Variants in CALN1 observed in about 807,000 individuals in gnomAD.
CALN1 encodes the protein calneuron 1.
A neutral mutation model predicts 30.6 loss-of-function variants in CALN1; 17 were observed. That is an observed-to-expected ratio of 0.56 (90% CI 0.38 to 0.83). The LOEUF is 0.83. CALN1 is among the 40% of genes least tolerant of loss of function. The pLI is 0.00. For synonymous variants in CALN1, 156 were observed against 131.4 expected, an observed-to-expected ratio of 1.19 and a Z score of -1.28; for missense variants, 291 against 354.9, an observed-to-expected ratio of 0.82 and a Z score of 1.45.
Position 71,787,720 on chromosome 7 carries a change from G to T in CALN1, c.*55C>A, listed in dbSNP as rs747229209. ...TGCTGTGTGGAGGAAGAGTCTGCCC[G>T]CACGGCATGCACATGCGCGGTGAGC... is the stretch of plus-strand genomic sequence containing the variant. On this transcript the variant is annotated 3_prime_UTR_variant, in exon 7 of 7. Coordinates refer to ENST00000395275, the MANE Select transcript of CALN1 (RefSeq NM_031468.4). 2 of 1,600,874 alleles carry T rather than the reference G, an allele frequency of 1.2e-6. No homozygotes were observed. Among genetic ancestry groups the T allele is most frequent in the Non-Finnish European group, 1.7e-6 (2 of 1,173,606 alleles).
intron 5 of CALN1, among the ~76,000 whole-genome samples, chr7:71,907,243 C>CACACACACACACAT (rs1342772861): frequency 1.3e-5 from 2 of 151,608 alleles, no homozygotes; most frequent in African/African-American, 2.4e-5. Context: ...GGTTTAAACA[C>CACACACACACACAT]ACACACACAC....
At chr7:71,990,467 CTTTT>C (rs998150098) in intron 5 of CALN1, among the ~76,000 whole-genome samples, 1 of 147,604 alleles carries the variant, frequency 6.8e-6, no homozygotes, top group Admixed American at 6.8e-5. Flanking sequence ...AATTCATTTA[CTTTT>C]TTTTTTTTCT....
intron 3 of CALN1, among the ~76,000 whole-genome samples, chr7:72,244,129 G>T (rs1319243642): frequency 6.6e-6 from 1 of 152,156 alleles, no homozygotes; most frequent in Non-Finnish European, 1.5e-5. Flanking sequence ...GGCTGACCCT[G>T]CAAGGAACTC....
intron 3 of CALN1, among the ~76,000 whole-genome samples, chr7:72,147,481 G>GATGTGGAGGAATAGGAAC: frequency 9.9e-6 from 1 of 100,932 alleles, no homozygotes; most frequent in South Asian, 2.4e-4. Context: ...TGTTGGAGAG[G>GATGTGGAGGAATAGGAAC]ACTGTTACAC....
At chr7:72,389,142 G>A (rs970085321) in intron 2 of CALN1, among the ~76,000 whole-genome samples, 7 of 152,112 alleles carry the variant, frequency 4.6e-5, no homozygotes, top group African/African-American at 9.7e-5. Context: ...TGCTCTGTCC[G>A]GTGGGCTCCC....
rs60273576 is a variant in CALN1, at chr7:71,980,187, C to CTT, written c.501+43468_501+43469dup. Among the ~76,000 whole-genome samples the CTT allele has an allele frequency of 4.8e-4, 51 of 107,262 alleles. 2 individuals carry two copies. The highest frequency in any genetic ancestry group is 1.4e-3 in the African/African-American group (41 of 29,356). 70.4% of individuals were successfully genotyped at this position (107,262 alleles called of 152,430 possible). A position where few individuals can be genotyped will look rare whatever the true frequency, so the allele number is the denominator to read the frequency against. ...CCACCATGCCTGGCCTCTTCTTTTT[C>CTT]TTTTTTTTTTTTTTTTTGAGACAGA... On this transcript the variant is annotated intron_variant, in intron 5 of 6. Coordinates refer to ENST00000395275, the MANE Select transcript of CALN1 (RefSeq NM_031468.4).
chr7:72,182,546 C>T lies in CALN1; in HGVS notation c.245-76252G>A, dbSNP rs551896216. Among the ~76,000 whole-genome samples the T allele has an allele frequency of 1.7e-3, 253 of 152,036 alleles. 1 individual carries two copies. The highest frequency in any genetic ancestry group is 5.9e-3 in the African/African-American group (244 of 41,474). On this transcript the variant is annotated intron_variant, in intron 3 of 6. Coordinates refer to ENST00000395275, the MANE Select transcript of CALN1 (RefSeq NM_031468.4). ...ACCAACCTGGGCAACATGGTGAAAC[C>T]CTGTCTCTACAAAAAATACAAAAAT...
chr7:72,247,252 T>A lies in CALN1; in HGVS notation c.244+31434A>T, dbSNP rs1363589211. Among the ~76,000 whole-genome samples the A allele has an allele frequency of 6.9e-5, 5 of 72,736 alleles. 2 individuals are homozygous for A. The East Asian group carries it at 1.2e-3, about 17-fold the overall frequency. 47.7% of individuals were successfully genotyped at this position (72,736 alleles called of 152,430 possible). Reference sequence around the variant, plus strand: ...CTTTTTTTTTTTTTTTTTTTTTTTTTTTTTTTTTTTTTTTGAGATGGAGTC... The same window carrying A: ...CTTTTTTTTTTTTTTTTTTTTTTTTATTTTTTTTTTTTTTGAGATGGAGTC... On this transcript the variant is annotated intron_variant, in intron 3 of 6. Coordinates refer to ENST00000395275, the MANE Select transcript of CALN1 (RefSeq NM_031468.4).
chr7:72,297,881 A>T (rs1412835382), intron 2 of CALN1, among the ~76,000 whole-genome samples: 1 of 152,332 alleles, frequency 6.6e-6, no homozygotes, highest in African/African-American at 2.4e-5. Flanking sequence ...TTGCATTTTC[A>T]TATTTTTAAC....
In CALN1 at chr7:72,076,525, G is replaced by A. The variant is rs536829559; in HGVS notation, c.388+29626C>T. On this transcript the variant is annotated intron_variant, in intron 4 of 6. Transcript: ENST00000395275. Reference sequence around the variant, plus strand: ...AGGCAGGAGAATCGCTTGAACCCGAGAGGCGGAGGTTACAGTCAGCCGAGA... The same window carrying A: ...AGGCAGGAGAATCGCTTGAACCCGAAAGGCGGAGGTTACAGTCAGCCGAGA... 3.5e-5 allele frequency among the ~76,000 whole-genome samples: 5 copies of A among 141,934 alleles called. No homozygotes were observed. The South Asian group carries it at 9.4e-4, about 27-fold the overall frequency. 93.1% of individuals were successfully genotyped at this position (141,934 alleles called of 152,430 possible).
At chr7:71,945,246 T>G (rs1485807495) in intron 5 of CALN1, among the ~76,000 whole-genome samples, 1 of 152,192 alleles carries the variant, frequency 6.6e-6, no homozygotes, top group African/African-American at 2.4e-5. Flanking sequence ...CCATGATTCT[T>G]GTACAGCCTG....
intron 3 of CALN1, among the ~76,000 whole-genome samples, chr7:72,223,566 C>A (rs915236229): frequency 2.0e-5 from 3 of 152,144 alleles, no homozygotes; most frequent in African/African-American, 7.2e-5. Flanking sequence ...TGAACTTGGT[C>A]TCTCATAGGC....
rs185486398 is a variant in CALN1 at position 72,410,375 on chromosome 7, T to A, written c.-74+1683A>T. Among the ~76,000 whole-genome samples, 146 of 152,270 alleles carry A rather than the reference T, an allele frequency of 9.6e-4. 1 individual carries two copies. The Middle Eastern group carries it at 0.014, about 14-fold the overall frequency. ...CAAAAAAGAAATCTAAAACTGCCAA[T>A]CTAGGACGTAGAAAATGTCCATGGA... On this transcript the variant is annotated intron_variant, in intron 1 of 6. Coordinates refer to ENST00000395275, the MANE Select transcript of CALN1 (RefSeq NM_031468.4).
chr7:71,867,005 G>A (rs966827129), intron 5 of CALN1, among the ~76,000 whole-genome samples: 1 of 151,758 alleles, frequency 6.6e-6, no homozygotes, highest in Non-Finnish European at 1.5e-5. Flanking sequence ...ATTAGCCAGG[G>A]GTGGTGGTGC....
intron 2 of CALN1, among the ~76,000 whole-genome samples, chr7:72,371,082 T>A (rs1804215311): frequency 6.6e-6 from 1 of 151,876 alleles, no homozygotes; most frequent in African/African-American, 2.4e-5. Flanking sequence ...GGCTCTTAAT[T>A]TTGATAAAGT....
intron 5 of CALN1, among the ~76,000 whole-genome samples, chr7:72,019,681 C>A (rs1045974764): frequency 6.6e-6 from 1 of 152,138 alleles, no homozygotes; most frequent in Non-Finnish European, 1.5e-5. Context: ...ATCTTCCAGT[C>A]CAGTCAAGCC....
In CALN1 at chr7:71,949,910, T is replaced by C. The variant is rs370236750; in HGVS notation, c.501+73747A>G. 5.3e-5 allele frequency among the ~76,000 whole-genome samples: 8 copies of C among 152,100 alleles called. No homozygotes were observed. In the East Asian group the frequency reaches 1.4e-3, roughly 26 times the overall value. On this transcript the variant is annotated intron_variant, in intron 5 of 6. Coordinates refer to ENST00000395275, the MANE Select transcript of CALN1 (RefSeq NM_031468.4). ...CCGAGTAGCTGGGACTACAGGCGCC[T>C]GCCACTACGCCTGGCTAATTTTTTT...
At chr7:72,487,364 A>T in the CALN1 span, among the ~76,000 whole-genome samples, 2 of 151,976 alleles carry the variant, frequency 1.3e-5, no homozygotes, top group African/African-American at 4.8e-5. Context: ...GAGACCAGGA[A>T]ATAAAACTCC....
At chr7:72,372,051 A>G (rs931952836) in intron 2 of CALN1, among the ~76,000 whole-genome samples, 3 of 152,198 alleles carry the variant, frequency 2.0e-5, no homozygotes, top group Admixed American at 2.0e-4. Context: ...AGTTGAACGT[A>G]GGTATTAGCA....
Sources: gnomAD v4.1 joint callset for allele counts (sites outside exome capture counted in the v4.1 genomes callset) on GRCh38, gnomAD v4.1.1 for gene constraint, MANE v1.5 for transcripts, NCBI Gene and HGNC (gene_info 2026-07-23, HGNC 2026-07-21) for gene names.